Variants in SMOC1 observed in about 807,000 individuals in gnomAD.
SMOC1 encodes the protein SPARC related modular calcium binding 1, also known as SPARC-related modular calcium-binding protein 1.
A neutral mutation model predicts 56.3 loss-of-function variants in SMOC1; 22 were observed. The observed-to-expected ratio is 0.39, with a 90% CI of 0.28 to 0.56. The LOEUF (loss-of-function observed/expected upper bound fraction) is 0.56. SMOC1 is among the 20% of genes least tolerant of loss of function. SMOC1 has a pLI of 0.61. For missense variants in SMOC1, 509 were observed against 565.4 expected, an observed-to-expected ratio of 0.90 and a Z score of 1.01; for synonymous variants, 193 against 215.0, an observed-to-expected ratio of 0.90 and a Z score of 0.89.
chr14:69,905,922 T>G (rs976238770), intron 1 of SMOC1, among the ~76,000 whole-genome samples: 2 of 152,182 alleles, frequency 1.3e-5, no homozygotes, highest in African/African-American at 4.8e-5. Flanking sequence ...TAAGTGAAGA[T>G]ATTTGTGCAT....
At chr14:69,973,666 G>T (rs1883858550) in intron 3 of SMOC1, among the ~76,000 whole-genome samples, 1 of 152,214 alleles carries the variant, frequency 6.6e-6, no homozygotes, top group South Asian at 2.1e-4. Context: ...CACCTTCGTG[G>T]TAGGAACAAG....
At chr14:70,003,123 A>G (rs1297771761) in intron 7 of SMOC1, among the ~76,000 whole-genome samples, 1 of 152,208 alleles carries the variant, frequency 6.6e-6, no homozygotes, top group East Asian at 1.9e-4. Context: ...TAATTTAGAA[A>G]GGTTGTTTTC....
Position 69,908,844 on chromosome 14 carries a change from C to T in SMOC1, c.99+29067C>T, listed in dbSNP as rs552954870. 1.5e-4 allele frequency among the ~76,000 whole-genome samples: 23 copies of T among 152,192 alleles called. No individual in the cohort carries two copies. In the South Asian group the frequency reaches 4.4e-3, roughly 29 times the overall value. ...GGAGTTGTTTTTCAGTTTTGTTTCT[C>T]TTTCCTTGCCTCTTTTCTTTTAATC... On this transcript the variant is annotated intron_variant, in intron 1 of 11. Coordinates refer to ENST00000361956, the MANE Select transcript of SMOC1 (RefSeq NM_001034852.3).
Position 69,888,284 on chromosome 14 carries a change from A to G in SMOC1, c.99+8507A>G, listed in dbSNP as rs539052205. Among the ~76,000 whole-genome samples, 12 of 152,344 alleles carry G rather than the reference A, an allele frequency of 7.9e-5. No homozygotes were observed. In the South Asian group the frequency reaches 1.5e-3, roughly 18 times the overall value. ...GTCCCCATGAAGACCCCAAAGCAAC[A>G]TAGGTGACTATAGGGTTTTCTTTTG... is the stretch of plus-strand genomic sequence containing the variant. On this transcript the variant is annotated intron_variant, in intron 1 of 11. Transcript: ENST00000361956.
At chr14:70,015,805 A>G (rs372033001) in intron 10 of SMOC1, among the ~76,000 whole-genome samples, 2 of 152,156 alleles carry the variant, frequency 1.3e-5, no homozygotes, top group South Asian at 4.2e-4. Flanking sequence ...TTGAAAAGGC[A>G]GTATTGTTGG....
At position 70,013,411 on chromosome 14, in the gene SMOC1, G is replaced by A; in HGVS notation, c.966G>A (p.Glu322=). ...GCTGTCCAGAAGGGAAGAAAATGGA[G>A]TTTATCACCAGCCTACTGGATGCTC... is the stretch of plus-strand genomic sequence containing the variant. ...LPGCPEGKKM[E]FITSLLDALT... The change falls in exon 10 of 12, where the codon GAG becomes GAA. Residue 322 remains glutamate, a synonymous_variant. Transcript: ENST00000361956. 1 of 1,614,168 alleles carries A rather than the reference G, an allele frequency of 6.2e-7. No individual in the cohort carries two copies. The highest frequency in any genetic ancestry group is 8.5e-7 in the Non-Finnish European group (1 of 1,180,016).
At chr14:69,909,004 A>G (rs1884485033) in intron 1 of SMOC1, among the ~76,000 whole-genome samples, 2 of 151,980 alleles carry the variant, frequency 1.3e-5, no homozygotes, top group African/African-American at 4.8e-5. Flanking sequence ...CACCTCTTCT[A>G]AAGTCCTCTA....
At chr14:69,908,992 C>T (rs1884484631) in intron 1 of SMOC1, among the ~76,000 whole-genome samples, 1 of 152,254 alleles carries the variant, frequency 6.6e-6, no homozygotes. Flanking sequence ...GCACTTTATA[C>T]TCACCTCTTC....
intron 11 of SMOC1, among the ~76,000 whole-genome samples, chr14:70,026,219 A>T (rs1430288053): frequency 2.0e-5 from 3 of 152,178 alleles, no homozygotes. Flanking sequence ...CAATGTCGGG[A>T]AGAGACCATC....
intron 1 of SMOC1, among the ~76,000 whole-genome samples, chr14:69,919,913 C>A (rs886515836): frequency 7.8e-6 from 1 of 128,448 alleles, no homozygotes; most frequent in East Asian, 2.1e-4. Flanking sequence ...CACAAATACC[C>A]CCCCCCCCCT....
intron 5 of SMOC1, among the ~76,000 whole-genome samples, chr14:69,988,287 G>A (rs1477222748): frequency 2.3e-5 from 2 of 85,830 alleles, no homozygotes; most frequent in Non-Finnish European, 4.5e-5. Context: ...TCTTTGAATT[G>A]GCTTTTTTTT....
intron 6 of SMOC1, 192 bp from the exon 7 acceptor site, chr14:69,994,208 C>T (rs1242842602): frequency 2.9e-6 from 2 of 689,126 alleles, no homozygotes; most frequent in Non-Finnish European, 2.6e-6. Context: ...CTGATCGGCT[C>T]TTATGAGCTG....
intron 10 of SMOC1, among the ~76,000 whole-genome samples, chr14:70,014,397 T>C (rs1566711541): frequency 6.6e-6 from 1 of 152,120 alleles, no homozygotes; most frequent in Admixed American, 6.5e-5. Flanking sequence ...CTTATCTACC[T>C]ATCAAAGAAA....
intron 1 of SMOC1, among the ~76,000 whole-genome samples, chr14:69,888,591 T>C (rs1883874457): frequency 6.6e-6 from 1 of 152,220 alleles, no homozygotes; most frequent in Admixed American, 6.5e-5. Context: ...ATCTAGAGGT[T>C]TGAACAACTA....
chr14:69,966,628 A>G (rs1188728303), intron 3 of SMOC1, among the ~76,000 whole-genome samples: 1 of 152,176 alleles, frequency 6.6e-6, no homozygotes, highest in Non-Finnish European at 1.5e-5. Flanking sequence ...GTCTCTACCC[A>G]AGTAGTCTTC....
intron 7 of SMOC1, among the ~76,000 whole-genome samples, chr14:69,995,367 T>C (rs1884728632): frequency 6.6e-6 from 1 of 152,230 alleles, no homozygotes; most frequent in South Asian, 2.1e-4. Context: ...AGGAATTATA[T>C]AGACCAGGAG....
intron 1 of SMOC1, among the ~76,000 whole-genome samples, chr14:69,941,283 T>A (rs1165066035): frequency 1.3e-5 from 2 of 152,198 alleles, no homozygotes; most frequent in African/African-American, 2.4e-5. Flanking sequence ...TTGGTCCAGA[T>A]TCCACCTGGC....
intron 1 of SMOC1, among the ~76,000 whole-genome samples, chr14:69,889,239 G>A (rs964085595): frequency 6.6e-6 from 1 of 152,180 alleles, no homozygotes; most frequent in Non-Finnish European, 1.5e-5. Context: ...CAGCAGGGCT[G>A]AACCACTGTA....
chr14:69,995,334 T>C (rs757227494), intron 7 of SMOC1, among the ~76,000 whole-genome samples: 5 of 152,222 alleles, frequency 3.3e-5, no homozygotes, highest in African/African-American at 7.2e-5. Context: ...GTCCTAATGG[T>C]GGCGATGTGG....
Sources: gnomAD v4.1 joint callset for allele counts (sites outside exome capture counted in the v4.1 genomes callset) on GRCh38, gnomAD v4.1.1 for gene constraint, MANE v1.5 for transcripts, NCBI Gene and HGNC (gene_info 2026-07-23, HGNC 2026-07-21) for gene names.